The following EXOC6 variants were observed in gnomAD, a reference collection of about 807,000 sequenced individuals.
EXOC6 encodes the protein SEC15-like 1.
In EXOC6, 60 loss-of-function variants were observed where a neutral mutation model predicts 112.5. That is an observed-to-expected ratio of 0.53 (90% CI 0.43 to 0.66). The LOEUF (loss-of-function observed/expected upper bound fraction) is 0.66, where lower values mean the gene tolerates loss of function less well. EXOC6 is among the 30% of genes least tolerant of loss of function. The probability of loss-of-function intolerance (pLI) is 0.00; values close to 1 mark genes in which losing one functional copy is unlikely to be tolerated. For synonymous variants in EXOC6, 295 were observed against 308.0 expected, an observed-to-expected ratio of 0.96 and a Z score of 0.44; for missense variants, 855 against 957.1, an observed-to-expected ratio of 0.89 and a Z score of 1.41.
chr10:92,979,112 A>G (rs1842734258), intron 18 of EXOC6, among the ~76,000 whole-genome samples: 1 of 152,124 alleles, frequency 6.6e-6, no homozygotes, highest in Non-Finnish European at 1.5e-5. Flanking sequence ...CTCCACCCTT[A>G]GTTTCACTGA....
At chr10:92,873,620 G>A (rs992525929) in intron 1 of EXOC6, among the ~76,000 whole-genome samples, 3 of 152,102 alleles carry the variant, frequency 2.0e-5, no homozygotes, top group African/African-American at 7.2e-5. Context: ...ATAAATTAGA[G>A]GAAGCATCTG....
chr10:92,935,895 A>T lies in EXOC6; in HGVS notation c.1212+10A>T. 1 of 1,534,214 alleles carries T rather than the reference A, an allele frequency of 6.5e-7. No individual in the cohort carries two copies. The stretch of plus-strand genomic sequence containing the variant: ...TGCAGATACTTTACAGGTGGGTGAT[A>T]ACCTAACAATTAATGGTTATTCTGA... On this transcript the variant is annotated intron_variant, in intron 12 of 21. Transcript: ENST00000260762.
chr10:92,933,832 T>C (rs1589859135), intron 9 of EXOC6, among the ~76,000 whole-genome samples: 2 of 151,932 alleles, frequency 1.3e-5, no homozygotes, highest in Non-Finnish European at 2.9e-5. Context: ...AGGCTGGAAG[T>C]TGGGGAGACT....
intron 20 of EXOC6, among the ~76,000 whole-genome samples, chr10:93,040,925 T>C (rs894611852): frequency 6.6e-6 from 1 of 152,238 alleles, no homozygotes; most frequent in Non-Finnish European, 1.5e-5. Context: ...CTTAGAACAC[T>C]GCTCCCTATA....
At chr10:92,894,882 G>C in intron 3 of EXOC6, 41 bp downstream of exon 3, 1 of 1,608,446 alleles carries the variant, frequency 6.2e-7, no homozygotes, top group Middle Eastern at 1.7e-4. Flanking sequence ...GTATGTAGTT[G>C]TTCTTTAACT....
intron 20 of EXOC6, among the ~76,000 whole-genome samples, chr10:93,050,894 C>G (rs1846258362): frequency 6.7e-6 from 1 of 150,254 alleles, no homozygotes; most frequent in South Asian, 2.1e-4. Context: ...ACAGAAAACA[C>G]AAAAAACAAA....
intron 4 of EXOC6, among the ~76,000 whole-genome samples, chr10:92,897,396 A>G (rs909166338): frequency 6.6e-6 from 1 of 152,220 alleles, no homozygotes; most frequent in African/African-American, 2.4e-5. Context: ...TTGGAACTAT[A>G]AAGTTGGAAA....
intron 6 of EXOC6, among the ~76,000 whole-genome samples, chr10:92,914,606 A>T (rs1013416388): frequency 6.6e-6 from 1 of 152,186 alleles, no homozygotes; most frequent in Non-Finnish European, 1.5e-5. Flanking sequence ...TTGGGCACAG[A>T]GGGAAAGGGA....
At chr10:93,055,319 T>C (rs12771031) in intron 20 of EXOC6, among the ~76,000 whole-genome samples, 54,276 of 152,134 alleles carry the variant, frequency 0.36, 12,457 homozygotes, top group Non-Finnish European at 0.51. Flanking sequence ...CCTCACTACT[T>C]AACCAGTCTC....
chr10:92,865,063 TTTAA>T (rs1170001402), intron 1 of EXOC6, among the ~76,000 whole-genome samples: 6 of 152,218 alleles, frequency 3.9e-5, no homozygotes, highest in African/African-American at 1.4e-4. Flanking sequence ...AAAATTCTGT[TTTAA>T]TTTTTAATTG....
chr10:92,908,958 T>G (rs7894145), intron 5 of EXOC6, among the ~76,000 whole-genome samples: 119,076 of 152,054 alleles, frequency 0.78, 47,902 homozygotes, highest in East Asian at 1. Flanking sequence ...GCCTTAAATA[T>G]TAGTATGACA....
chr10:92,934,563 GTAA>G (rs1379649099), intron 11 of EXOC6, 133 bp downstream of exon 11: 2 of 718,420 alleles, frequency 2.8e-6, no homozygotes, highest in African/African-American at 3.7e-5. Flanking sequence ...TTTGGAAGTA[GTAA>G]TGTCAGGCTT....
intron 9 of EXOC6, among the ~76,000 whole-genome samples, chr10:92,933,699 A>G (rs1013266261): frequency 6.6e-6 from 1 of 152,236 alleles, no homozygotes; most frequent in African/African-American, 2.4e-5. Context: ...ACAATAGGCA[A>G]TCATAAAACC....
At chr10:92,896,119 A>ATATATATGTG (rs1564809694) in intron 4 of EXOC6, among the ~76,000 whole-genome samples, 3 of 21,714 alleles carry the variant, frequency 1.4e-4, no homozygotes, top group African/African-American at 9.8e-4. Context: ...GTGTATATAT[A>ATATATATGTG]TGTGTGTGTG....
At chr10:92,915,356 C>G (rs1002443200) in intron 6 of EXOC6, among the ~76,000 whole-genome samples, 14 of 150,782 alleles carry the variant, frequency 9.3e-5, no homozygotes, top group African/African-American at 3.2e-4. Context: ...GCCTGGGCAA[C>G]ATGGCAAAAC....
At chr10:92,982,232 A>G (rs865824016) in intron 18 of EXOC6, among the ~76,000 whole-genome samples, 1 of 152,346 alleles carries the variant, frequency 6.6e-6, no homozygotes, top group African/African-American at 2.4e-5. Context: ...CTCACATCAG[A>G]GATTAGATGC....
intron 21 of EXOC6, 33 bp downstream of exon 21, chr10:93,057,069 T>C (rs1213817584): frequency 9.0e-7 from 1 of 1,110,670 alleles, no homozygotes; most frequent in African/African-American, 1.6e-5. Flanking sequence ...TTGTATAACA[T>C]TTTAGCACCT....
chr10:93,056,870 A>ATTTTTTAATTTGATTAT, intron 20 of EXOC6, 54 bp from the exon 21 acceptor site: 2 of 981,268 alleles, frequency 2.0e-6, no homozygotes, highest in Non-Finnish European at 3.2e-6. Context: ...TAATTTAAGT[A>ATTTTTTAATTTGATTAT]TTAACTGGGT....
intron 1 of EXOC6, among the ~76,000 whole-genome samples, chr10:92,859,686 A>G (rs1348683650): frequency 6.6e-6 from 1 of 152,228 alleles, no homozygotes; most frequent in African/African-American, 2.4e-5. Flanking sequence ...GGGGAATTCT[A>G]GAGCTTGAAT....
Sources: allele counts gnomAD v4.1 joint callset (sites outside exome capture counted in the v4.1 genomes callset), GRCh38; gene constraint gnomAD v4.1.1; transcripts MANE v1.5; gene names NCBI Gene and HGNC (gene_info 2026-07-23, HGNC 2026-07-21).